Variants in FMNL3 observed in about 807,000 individuals in gnomAD.
FMNL3 encodes the protein formin-like protein 3.
Under a neutral mutation model 119.6 loss-of-function variants are expected in FMNL3, and 57 were observed. That is an observed-to-expected ratio of 0.48 (90% confidence interval 0.39 to 0.59). The LOEUF is 0.59. Among genes scored for constraint, FMNL3 ranks in the 20% least tolerant of loss-of-function variants. FMNL3 has a pLI of 0.00. For missense variants in FMNL3, 1,053 were observed against 1,323.5 expected (o/e 0.80, Z 3.17); for synonymous variants, 491 against 507.3 (o/e 0.97, Z 0.43).
chr12:49,673,934 C>T (rs894303930), intron 1 of FMNL3, among the ~76,000 whole-genome samples: 2 of 152,196 alleles, frequency 1.3e-5, no homozygotes, highest in Admixed American at 6.5e-5. Context: ...ATCAAAGGTC[C>T]AAGAGCTAAA....
At chr12:49,674,854 GAA>G (rs1224629177) in intron 1 of FMNL3, among the ~76,000 whole-genome samples, 4 of 152,188 alleles carry the variant, frequency 2.6e-5, no homozygotes, top group Non-Finnish European at 5.9e-5. Flanking sequence ...CAGCCTGGAA[GAA>G]AAAGAAATGG....
Position 49,652,012 on chromosome 12 carries a change from T to A in FMNL3, c.1524A>T (p.Pro508=). ...GCAGGACCTCCTCAGGGGGTGGGGC[T>A]GGAGCCAGAAGGTCCAGGTCGGAGG... ...MPPSDLDLLA[P]APPPEEVLPL... Residue 508 remains proline (P), a synonymous_variant, in exon 14 of 26, where the codon CCA becomes CCT. Coordinates refer to ENST00000335154, the MANE Select transcript of FMNL3 (RefSeq NM_175736.5). 1 of 1,607,196 alleles carries A rather than the reference T, an allele frequency of 6.2e-7. No homozygotes were observed. The highest frequency in any genetic ancestry group is 8.5e-7 in the Non-Finnish European group (1 of 1,176,850).
At chr12:49,702,170 G>A (rs1944927215) in intron 1 of FMNL3, among the ~76,000 whole-genome samples, 1 of 152,162 alleles carries the variant, frequency 6.6e-6, no homozygotes, top group Non-Finnish European at 1.5e-5. Flanking sequence ...CAGGCATGGT[G>A]GCGCACGCCT....
intron 1 of FMNL3, among the ~76,000 whole-genome samples, chr12:49,672,751 G>C (rs1295138152): frequency 1.3e-5 from 2 of 152,194 alleles, no homozygotes; most frequent in Admixed American, 1.3e-4. Context: ...GGGAAATGCC[G>C]GTAGGGTTTG....
At position 49,636,583 on chromosome 12, in the gene FMNL3, T is replaced by C; in HGVS notation, c.*9232A>G. 5.7e-6 allele frequency: 7 copies of C among 1,232,370 alleles called. No individual in the cohort carries two copies. 76.3% of individuals were successfully genotyped at this position (1,232,370 alleles called of 1,614,324 possible). On this transcript the variant is annotated 3_prime_UTR_variant, in exon 26 of 26. Coordinates refer to ENST00000335154, the MANE Select transcript of FMNL3 (RefSeq NM_175736.5). ...CAGTGGCTGCTCCCACAGAGCCCCC[T>C]CCAGGCCCTTCCCCCACCACCCTGG...
intron 9 of FMNL3, 145 bp downstream of exon 9, chr12:49,656,259 C>G (rs1943565641): frequency 1.7e-6 from 1 of 595,854 alleles, no homozygotes; most frequent in Admixed American, 3.2e-5. Flanking sequence ...TTTAAAAATA[C>G]TGGGAGTTCA....
chr12:49,648,443 T>A, intron 21 of FMNL3, 90 bp from the exon 22 acceptor site: 1 of 1,392,646 alleles, frequency 7.2e-7, no homozygotes, highest in Non-Finnish European at 9.6e-7. Context: ...GCCCTCCCCC[T>A]CAGCATGGGC....
chr12:49,703,786 C>G (rs529821483), intron 1 of FMNL3, among the ~76,000 whole-genome samples: 1 of 152,276 alleles, frequency 6.6e-6, no homozygotes, highest in East Asian at 1.9e-4. Flanking sequence ...GATCATGTGT[C>G]TAGAACAGAA....
At position 49,702,613 on chromosome 12, in the gene FMNL3, G is replaced by C. The variant is rs578018672; in HGVS notation, c.126+4442C>G. On this transcript the variant is annotated intron_variant, in intron 1 of 25. Coordinates refer to ENST00000335154, the MANE Select transcript of FMNL3 (RefSeq NM_175736.5). ...GCAATGAAAACATTCCCAAATGACAGAGTCCACTCCATCAGTCCCTTCCCC... is the reference window on the plus strand; with the variant it reads ...GCAATGAAAACATTCCCAAATGACACAGTCCACTCCATCAGTCCCTTCCCC... 5.9e-5 allele frequency among the ~76,000 whole-genome samples: 9 copies of C among 152,162 alleles called. No homozygotes were observed. The East Asian group carries it at 1.7e-3, about 29-fold the overall frequency.
At chr12:49,705,950 G>C (rs1330518393) in intron 1 of FMNL3, among the ~76,000 whole-genome samples, 1 of 152,202 alleles carries the variant, frequency 6.6e-6, no homozygotes, top group Non-Finnish European at 1.5e-5. Flanking sequence ...AATCCAATAA[G>C]GCTGCTAAGT....
intron 1 of FMNL3, among the ~76,000 whole-genome samples, chr12:49,684,022 C>G (rs898843399): frequency 6.6e-6 from 1 of 152,162 alleles, no homozygotes; most frequent in Non-Finnish European, 1.5e-5. Context: ...TGTGCTCTCC[C>G]GATGCTTCCT....
Position 49,662,025 on chromosome 12 carries a change from A to G in FMNL3, c.393T>C (p.Asp131=), listed in dbSNP as rs764510244. 4 of 1,614,026 alleles carry G rather than the reference A, an allele frequency of 2.5e-6. No homozygotes were observed. The highest frequency in any genetic ancestry group is 2.2e-5 in the South Asian group (2 of 91,086). ...CCAGTACATCCAGGCCTTTGTTTTC[A>G]TCATTCAGAAATTCCCGCACCCACC... The part of the protein sequence containing the change: ...HIGWVREFLN[D]ENKGLDVLVD... Residue 131 remains aspartate, a synonymous_variant, in exon 5 of 26, where the codon GAT becomes GAC. Coordinates refer to ENST00000335154, the MANE Select transcript of FMNL3 (RefSeq NM_175736.5).
intron 1 of FMNL3, among the ~76,000 whole-genome samples, chr12:49,673,490 T>G (rs977565705): frequency 3.3e-5 from 5 of 152,222 alleles, no homozygotes; most frequent in Non-Finnish European, 5.9e-5. Flanking sequence ...GGCCCATTAC[T>G]AGCTGCCAAA....
At chr12:49,648,084 A>C in intron 22 of FMNL3, 109 bp downstream of exon 22, 2 of 1,354,320 alleles carry the variant, frequency 1.5e-6, no homozygotes, top group Admixed American at 2.5e-5. Flanking sequence ...CCCTACATGT[A>C]GCCAGCCAGC....
chr12:49,636,860 T>A lies in FMNL3; in HGVS notation c.*8955A>T. ...CGGGAGGCCTTCCAGGTATCTTTGC[T>A]GTCCTTTCTAGATCAGAGCTCAGCT... is the stretch of plus-strand genomic sequence containing the variant. On this transcript the variant is annotated 3_prime_UTR_variant, in exon 26 of 26. Transcript: ENST00000335154. 6.2e-7 allele frequency: 1 copy of A among 1,613,440 alleles called. No homozygotes were observed. Among genetic ancestry groups the A allele is most frequent in the Non-Finnish European group, 8.5e-7 (1 of 1,179,968 alleles).
chr12:49,689,349 G>A (rs1047786115), intron 1 of FMNL3, among the ~76,000 whole-genome samples: 2 of 152,164 alleles, frequency 1.3e-5, no homozygotes, highest in African/African-American at 4.8e-5. Flanking sequence ...AACTTTAAAT[G>A]AGAAAACTCA....
intron 1 of FMNL3, among the ~76,000 whole-genome samples, chr12:49,704,651 C>T (rs1180045049): frequency 7.3e-6 from 1 of 136,612 alleles, no homozygotes; most frequent in Non-Finnish European, 1.5e-5. Flanking sequence ...GCTGAGTTTG[C>T]AGTGAGCTGA....
intron 6 of FMNL3, among the ~76,000 whole-genome samples, chr12:49,657,930 C>T (rs928389949): frequency 4.6e-5 from 7 of 152,212 alleles, no homozygotes; most frequent in African/African-American, 1.4e-4. Flanking sequence ...CTTAAGACAC[C>T]GCAGACAAAT....
rs116330523 is a variant in FMNL3 at position 49,653,423 on chromosome 12, C to A, written c.1222-96G>T. 2,230 of 1,247,770 alleles carry A rather than the reference C, an allele frequency of 1.8e-3. 30 individuals are homozygous for A. In the African/African-American group the frequency reaches 0.029, roughly 16 times the overall value. The allele number at this position is 1,247,770 out of a possible 1,614,324, so 77.3% of individuals were successfully genotyped here. On this transcript the variant is annotated intron_variant, in intron 12 of 25. Transcript: ENST00000335154. ...TCAAGACCTGAGTCGGACCCCTCAA[C>A]ACAAGGCCACAAAGGCAGCTTAGTC...
Sources: gnomAD v4.1 joint callset for allele counts (sites outside exome capture counted in the v4.1 genomes callset) on GRCh38, gnomAD v4.1.1 for gene constraint, MANE v1.5 for transcripts, NCBI Gene and HGNC (gene_info 2026-07-23, HGNC 2026-07-21) for gene names.